TNIK: variants seen among roughly 807,000 people sequenced by gnomAD.
TNIK encodes TRAF2 and NCK-interacting protein kinase.
Under a neutral mutation model 191.3 loss-of-function variants are expected in TNIK, and 49 were observed. The observed-to-expected ratio is 0.26, with a 90% CI of 0.20 to 0.32. The LOEUF is 0.32. Ranked by LOEUF, TNIK falls within the 10% of genes least tolerant of loss-of-function variation. The pLI, the probability that TNIK is intolerant of heterozygous loss-of-function variation, is 1.00. For synonymous variants in TNIK, 594 were observed against 600.9 expected (o/e 0.99, Z 0.17); for missense variants, 1,155 against 1,702.3 (o/e 0.68, Z 5.66).
chr3:171,446,014 GTCA>G (rs1727447437), intron 1 of TNIK, among the ~76,000 whole-genome samples: 1 of 152,150 alleles, frequency 6.6e-6, no homozygotes, highest in Non-Finnish European at 1.5e-5. Flanking sequence ...ATCAAGCAGA[GTCA>G]TCGAGTGCAG....
Position 171,359,867 on chromosome 3 carries a change from C to T in TNIK, c.123+9753G>A, listed in dbSNP as rs143949458. On this transcript the variant is annotated intron_variant, in intron 2 of 32. Coordinates refer to ENST00000436636, the MANE Select transcript of TNIK (RefSeq NM_015028.4). ...CTAAATTCTGTGCCTGTAATCCTGG[C>T]GGGGTTTCATTTTACAGGTTACAAA... Among the ~76,000 whole-genome samples, 220 of 152,136 alleles carry T rather than the reference C, an allele frequency of 1.4e-3. 1 individual carries two copies. Among genetic ancestry groups the T allele is most frequent in the Non-Finnish European group, 2.4e-3 (163 of 67,998 alleles).
intron 15 of TNIK, among the ~76,000 whole-genome samples, chr3:171,135,707 G>C (rs773831897): frequency 2.4e-4 from 36 of 152,330 alleles, no homozygotes; most frequent in Non-Finnish European, 4.3e-4. Context: ...TCACCCACCA[G>C]AGATGGCCCA....
chr3:171,071,397 A>G lies in TNIK; in HGVS notation c.3449-74T>C, dbSNP rs566928831. ...TCTTTGTATTAATATTAATGAATGT[A>G]TAAGCAACAATATGTAAATTTAAAT... is the stretch of plus-strand genomic sequence containing the variant. On this transcript the variant is annotated intron_variant, in intron 28 of 32. Transcript: ENST00000436636. The G allele has an allele frequency of 1.2e-5, 12 of 990,106 alleles. No homozygotes were observed. The African/African-American group carries it at 1.8e-4, about 15-fold the overall frequency. 61.3% of individuals were successfully genotyped at this position (990,106 alleles called of 1,614,324 possible). A position where few individuals can be genotyped will look rare whatever the true frequency, so the allele number is the denominator to read the frequency against.
At chr3:171,292,858 T>C (rs1751843471) in intron 2 of TNIK, among the ~76,000 whole-genome samples, 1 of 150,752 alleles carries the variant, frequency 6.6e-6, no homozygotes, top group Non-Finnish European at 1.5e-5. Context: ...TGTCTGACTC[T>C]CTCCTTTCTG....
chr3:171,310,269 G>A (rs545679180), intron 2 of TNIK, among the ~76,000 whole-genome samples: 1 of 152,080 alleles, frequency 6.6e-6, no homozygotes, highest in South Asian at 2.1e-4. Flanking sequence ...CAAACAGTGG[G>A]ACTGGGCTCA....
rs535358107 is a variant in TNIK at position 171,449,266 on chromosome 3, C to T, written c.57+10741G>A. On this transcript the variant is annotated intron_variant, in intron 1 of 32. Transcript: ENST00000436636. ...GAATTATAATCCTTTGGGTATATACCCAGTAATGGGATTGTTGGGTCAAAT... is the reference window on the plus strand; with the variant it reads ...GAATTATAATCCTTTGGGTATATACTCAGTAATGGGATTGTTGGGTCAAAT... Among the ~76,000 whole-genome samples the T allele has an allele frequency of 7.5e-3, 1,135 of 151,946 alleles. 7 individuals carry two copies. The highest frequency in any genetic ancestry group is 0.011 in the Non-Finnish European group (777 of 67,974).
chr3:171,313,269 T>G (rs1754253430), intron 2 of TNIK, among the ~76,000 whole-genome samples: 1 of 150,870 alleles, frequency 6.6e-6, no homozygotes, highest in East Asian at 1.9e-4. Flanking sequence ...TCTTTCTTTC[T>G]TTTTTTTTAA....
intron 2 of TNIK, among the ~76,000 whole-genome samples, chr3:171,333,010 A>G (rs1156241146): frequency 6.6e-6 from 1 of 152,168 alleles, no homozygotes; most frequent in Non-Finnish European, 1.5e-5. Context: ...CCACAAAAAG[A>G]AAAATTATTT....
chr3:171,420,736 T>C (rs1298518812), intron 1 of TNIK, among the ~76,000 whole-genome samples: 1 of 152,184 alleles, frequency 6.6e-6, no homozygotes, highest in Non-Finnish European at 1.5e-5. Context: ...TTTGGGGCCA[T>C]TATTAAATAA....
In TNIK at chr3:171,153,020, C is replaced by T. The variant is rs898553229; in HGVS notation, c.1221+4440G>A. Among the ~76,000 whole-genome samples, 3 of 152,216 alleles carry T rather than the reference C, an allele frequency of 2.0e-5. No homozygotes were observed. The South Asian group carries it at 6.2e-4, about 32-fold the overall frequency. ...TCTCCTGATCTCGTGATCCACCTGC[C>T]TCGGCCTCCCAAAATGCTGGGATTA... On this transcript the variant is annotated intron_variant, in intron 12 of 32. Coordinates refer to ENST00000436636, the MANE Select transcript of TNIK (RefSeq NM_015028.4).
chr3:171,387,465 T>C (rs1021936864), intron 1 of TNIK, among the ~76,000 whole-genome samples: 8 of 152,190 alleles, frequency 5.3e-5, no homozygotes, highest in African/African-American at 1.9e-4. Flanking sequence ...TGACATCGGC[T>C]CTTACATCTT....
intron 16 of TNIK, among the ~76,000 whole-genome samples, chr3:171,128,132 T>A (rs1417711295): frequency 2.0e-5 from 3 of 152,208 alleles, no homozygotes; most frequent in Non-Finnish European, 4.4e-5. Flanking sequence ...TCTTGTTAAA[T>A]CACAGACTGC....
intron 1 of TNIK, among the ~76,000 whole-genome samples, chr3:171,455,887 A>T (rs1451347346): frequency 1.3e-5 from 2 of 152,200 alleles, no homozygotes; most frequent in African/African-American, 4.8e-5. Context: ...GATGAACAAG[A>T]TCTAGCCTCT....
chr3:171,281,164 A>G (rs768987171), intron 2 of TNIK, among the ~76,000 whole-genome samples: 15 of 150,314 alleles, frequency 1.0e-4, no homozygotes, highest in Admixed American at 2.7e-4. Flanking sequence ...GATAGAAGTT[A>G]CTTTCTATTT....
At chr3:171,320,117 G>A (rs1440142853) in intron 2 of TNIK, among the ~76,000 whole-genome samples, 1 of 152,118 alleles carries the variant, frequency 6.6e-6, no homozygotes, top group Non-Finnish European at 1.5e-5. Flanking sequence ...TCTTATAATT[G>A]ATCAAGCCAG....
chr3:171,157,434 C>T (rs1007269853), intron 12 of TNIK, 26 bp downstream of exon 12: 1 of 1,550,490 alleles, frequency 6.4e-7, no homozygotes, highest in Admixed American at 2.0e-5. Flanking sequence ...GGCTTGGGGT[C>T]AGAGGTGGCC....
intron 1 of TNIK, among the ~76,000 whole-genome samples, chr3:171,430,497 G>A (rs924667510): frequency 2.6e-5 from 4 of 151,662 alleles, no homozygotes; most frequent in Admixed American, 6.6e-5. Context: ...CAATTAGCCC[G>A]GAGTGGTGGT....
chr3:171,235,722 CAT>C (rs922137462), intron 2 of TNIK, among the ~76,000 whole-genome samples: 7 of 149,878 alleles, frequency 4.7e-5, no homozygotes, highest in African/African-American at 1.5e-4. Flanking sequence ...AGTTAACAAC[CAT>C]ATGTTTTTGT....
chr3:171,189,582 G>A lies in TNIK; in HGVS notation c.509-750C>T, dbSNP rs373712059. 9.9e-5 allele frequency among the ~76,000 whole-genome samples: 15 copies of A among 152,262 alleles called. No individual in the cohort carries two copies. The South Asian group carries it at 3.1e-3, about 32-fold the overall frequency. On this transcript the variant is annotated intron_variant, in intron 6 of 32. Coordinates refer to ENST00000436636, the MANE Select transcript of TNIK (RefSeq NM_015028.4). ...CTGCCTAAGTTTGTATCTCATTTCT[G>A]CCGCTACTAGTGGTATGACCTAGGG...
Sources: allele counts gnomAD v4.1 joint callset (sites outside exome capture counted in the v4.1 genomes callset), GRCh38; gene constraint gnomAD v4.1.1; transcripts MANE v1.5; gene names NCBI Gene and HGNC (gene_info 2026-07-23, HGNC 2026-07-21).